Variants in NAP1L3 observed in about 807,000 individuals in gnomAD.
NAP1L3 encodes the protein nucleosome assembly protein 1 like 3.
For missense variants in NAP1L3, 378 were observed against 369.9 expected (o/e 1.02, Z -0.18); for synonymous variants, 127 against 131.9 (o/e 0.96, Z 0.25).
chrX:93,672,961 T>C lies in NAP1L3; in HGVS notation c.344A>G (p.Gln115Arg). The change falls in exon 1 of 1, where the codon CAA (glutamine) becomes CGA (arginine). Residue 115 changes from glutamine (Q) to arginine (R), a missense_variant. Physicochemically the swap from Gln to Arg is conservative, Grantham distance 43 (BLOSUM62 1). Coordinates refer to ENST00000373079, the MANE Select transcript of NAP1L3 (RefSeq NM_004538.6). ...RNRVQALRNI[Q>R]DECDKVDTLF... is the part of the protein sequence containing the mutation. ...GGTATCTACCTTGTCACATTCATCTTGAATGTTTCTAAGCGCTTGCACACG... is the reference window on the plus strand; with the variant it reads ...GGTATCTACCTTGTCACATTCATCTCGAATGTTTCTAAGCGCTTGCACACG... 2 of 1,212,071 alleles carry C rather than the reference T, an allele frequency of 1.7e-6. No individual in the cohort carries two copies. The highest frequency in any genetic ancestry group is 2.2e-6 in the Non-Finnish European group (2 of 895,627).
Position 93,673,095 on chromosome X carries a change from G to A in NAP1L3, c.210C>T (p.Ser70=), listed in dbSNP as rs1376514487. The A allele has an allele frequency of 1.7e-6, 2 of 1,206,835 alleles. No individual in the cohort carries two copies. Among genetic ancestry groups the A allele is most frequent in the Admixed American group, 2.2e-5 (1 of 45,564 alleles). The change falls in exon 1 of 1, where the codon AGC becomes AGT. Residue 70 remains serine, a synonymous_variant. Coordinates refer to ENST00000373079, the MANE Select transcript of NAP1L3 (RefSeq NM_004538.6). ...TCTTCTTTCTATACAAGCGGCTGCG[G>A]CTGCTAGTGCTGCCGCTGCTGCTGC... ...SSSSSSGSTS[S]RSRLYRKKRV... is the part of the protein sequence containing the mutation.
chrX:93,673,088 G>T lies in NAP1L3; in HGVS notation c.217C>A (p.Arg73Ser), dbSNP rs776311937. The change falls in exon 1 of 1, where the codon CGC (arginine) becomes AGC (serine). Residue 73 changes from arginine to serine, a missense_variant. Transcript: ENST00000373079. ...GGTACCCTCTTCTTTCTATACAAGCGGCTGCGGCTGCTAGTGCTGCCGCTG... is the reference window on the plus strand; with the variant it reads ...GGTACCCTCTTCTTTCTATACAAGCTGCTGCGGCTGCTAGTGCTGCCGCTG... Reference protein sequence around the residue: ...SSSGSTSSRSRLYRKKRVPEP... With the variant: ...SSSGSTSSRSSLYRKKRVPEP... 4 of 1,205,839 alleles carry T rather than the reference G, an allele frequency of 3.3e-6. No individual in the cohort carries two copies. In the Admixed American group the frequency reaches 8.8e-5, roughly 27 times the overall value.
In NAP1L3 at chrX:93,671,918, C is replaced by T. The variant is rs921801366; in HGVS notation, c.1387G>A (p.Asp463Asn). 3 of 1,208,787 alleles carry T rather than the reference C, an allele frequency of 2.5e-6. No homozygotes were observed. The highest frequency in any genetic ancestry group is 3.5e-5 in the African/African-American group (2 of 57,049). ...ATCTGCCCAATTTCAAAGTCCTCAT[C>T]CAGGATAGCATCTTCTCGTGGTTCC... ...KLEPREDAIL[D>N]EDFEIGQILH... Residue 463 changes from aspartate to asparagine, a missense_variant, in exon 1 of 1, where the codon GAT becomes AAT. Coordinates refer to ENST00000373079, the MANE Select transcript of NAP1L3 (RefSeq NM_004538.6).
In NAP1L3 at chrX:93,672,730, T is replaced by C; in HGVS notation, c.575A>G (p.Glu192Gly). Residue 192 changes from glutamate (E) to glycine (G), a missense_variant, in exon 1 of 1, where the codon GAA becomes GGA. Glu to Gly is a moderately conservative substitution (Grantham distance 98, BLOSUM62 -2). Coordinates refer to ENST00000373079, the MANE Select transcript of NAP1L3 (RefSeq NM_004538.6). ...TGGGTTTTCTTTAGGGTTTTCTTCT[T>C]CCTCACCCTCTAAGGGAGGCATTTC... The part of the protein sequence containing the change: ...PSEMPPLEGE[E>G]EENPKENPEV... 1 of 1,211,088 alleles carries C rather than the reference T, an allele frequency of 8.3e-7. No individual in the cohort carries two copies. The highest frequency in any genetic ancestry group is 1.7e-5 in the African/African-American group (1 of 57,632).
At position 93,672,392 on chromosome X, in the gene NAP1L3, T is replaced by C; in HGVS notation, c.913A>G (p.Arg305Gly). ...TCAGGAATGCCTTTAGGGTCTTCTC[T>C]TTTAGGCTTTCCCTTCCTAGCTCTT... is the stretch of plus-strand genomic sequence containing the variant. ...LKRARKGKPKREDPKGIPDYW... is the reference protein window; with the variant it reads ...LKRARKGKPKGEDPKGIPDYW... Residue 305 changes from arginine to glycine, a missense_variant, in exon 1 of 1, where the codon AGA (arginine) becomes GGA (glycine). By Grantham distance (125) the Arg-to-Gly change is moderately radical. Coordinates refer to ENST00000373079, the MANE Select transcript of NAP1L3 (RefSeq NM_004538.6). 8.3e-7 allele frequency: 1 copy of C among 1,211,238 alleles called. No homozygotes were observed. Among genetic ancestry groups the C allele is most frequent in the Non-Finnish European group, 1.1e-6 (1 of 895,277 alleles).
At position 93,672,454 on chromosome X, in the gene NAP1L3, A is replaced by G. The variant is rs1185287434; in HGVS notation, c.851T>C (p.Val284Ala). 5 of 1,209,046 alleles carry G rather than the reference A, an allele frequency of 4.1e-6. No individual in the cohort carries two copies. The highest frequency in any genetic ancestry group is 2.2e-5 in the Admixed American group (1 of 45,682). ...RAAVRETHKRVPEERLQDSVD... is the reference protein window; with the variant it reads ...RAAVRETHKRAPEERLQDSVD... ...ACTGTCCTGAAGCCTTTCCTCAGGA[A>G]CTCTTTTATGAGTCTCTCTTACTGC... The change falls in exon 1 of 1, where the codon GTT becomes GCT. Residue 284 changes from valine to alanine, a missense_variant. Physicochemically the swap from Val to Ala is moderately conservative, Grantham distance 64. Coordinates refer to ENST00000373079, the MANE Select transcript of NAP1L3 (RefSeq NM_004538.6).
Position 93,671,830 on chromosome X carries a change from T to C in NAP1L3, c.1475A>G (p.Tyr492Cys). The C allele has an allele frequency of 8.3e-7, 1 of 1,208,306 alleles. No homozygotes were observed. The highest frequency in any genetic ancestry group is 1.1e-6 in the Non-Finnish European group (1 of 893,676). ...TCCATAATGTTTGCCAAATTGATAGTAGGTACCATTGACTTCTCCAGTATA... is the reference window on the plus strand; with the variant it reads ...TCCATAATGTTTGCCAAATTGATAGCAGGTACCATTGACTTCTCCAGTATA... ...YYYTGEVNGT[Y>C]YQFGKHYGNK... Residue 492 changes from tyrosine to cysteine, a missense_variant, in exon 1 of 1, where the codon TAC (tyrosine) becomes TGC (cysteine). Transcript: ENST00000373079.
Position 93,672,431 on chromosome X carries a change from T to A in NAP1L3, c.874A>T (p.Ser292Cys). 8.3e-7 allele frequency: 1 copy of A among 1,211,712 alleles called. No homozygotes were observed. The change falls in exon 1 of 1, where the codon AGT becomes TGT. Residue 292 changes from serine to cysteine, a missense_variant. Physicochemically the swap from Ser to Cys is moderately radical, Grantham distance 112. Coordinates refer to ENST00000373079, the MANE Select transcript of NAP1L3 (RefSeq NM_004538.6). ...KRVPEERLQD[S>C]VDLKRARKGK... ...TTCCTAGCTCTTTTAAGATCTACAC[T>A]GTCCTGAAGCCTTTCCTCAGGAACT...
At position 93,672,899 on chromosome X, in the gene NAP1L3, A is replaced by G; in HGVS notation, c.406T>C (p.Tyr136His). ...LKAIHDLERKYAELNKPLYDR... is the reference protein window; with the variant it reads ...LKAIHDLERKHAELNKPLYDR... ...TACAGAGGCTTGTTGAGTTCAGCAT[A>G]TTTTCTTTCAAGATCATGAATTGCT... The change falls in exon 1 of 1, where the codon TAT becomes CAT. Residue 136 changes from tyrosine (Y) to histidine (H), a missense_variant. Physicochemically the swap from Tyr to His is moderately conservative, Grantham distance 83 (BLOSUM62 2). Coordinates refer to ENST00000373079, the MANE Select transcript of NAP1L3 (RefSeq NM_004538.6). The G allele has an allele frequency of 1.7e-6, 2 of 1,210,973 alleles. No individual in the cohort carries two copies. Among genetic ancestry groups the G allele is most frequent in the Non-Finnish European group, 2.2e-6 (2 of 895,326 alleles).
Position 93,672,981 on chromosome X carries a change from C to T in NAP1L3, c.324G>A (p.Val108=). The change falls in exon 1 of 1, where the codon GTG becomes GTA. Residue 108 remains valine (V), a synonymous_variant. Transcript: ENST00000373079. ...DRLPQAVRNR[V]QALRNIQDEC... ...CATCTTGAATGTTTCTAAGCGCTTGCACACGATTTCTAACTGCCTGAGGCA... is the reference window on the plus strand; with the variant it reads ...CATCTTGAATGTTTCTAAGCGCTTGTACACGATTTCTAACTGCCTGAGGCA... The T allele has an allele frequency of 2.5e-6, 3 of 1,211,848 alleles. No homozygotes were observed. Among genetic ancestry groups the T allele is most frequent in the South Asian group, 1.8e-5 (1 of 56,977 alleles).
chrX:93,672,158 G>A lies in NAP1L3; in HGVS notation c.1147C>T (p.Pro383Ser). ...GAAAAGAAGGGATCATTGTGATCTG[G>A]TTTTGCCTTTATTATATATGTCTTC... ...LVKTYIIKAK[P>S]DHNDPFFSWG... The change falls in exon 1 of 1, where the codon CCA (proline) becomes TCA (serine). Residue 383 changes from proline (P) to serine (S), a missense_variant. By Grantham distance (74) the Pro-to-Ser change is moderately conservative (BLOSUM62 -1). Transcript: ENST00000373079. The A allele has an allele frequency of 8.3e-7, 1 of 1,211,210 alleles. No homozygotes were observed. Among genetic ancestry groups the A allele is most frequent in the East Asian group, 3.0e-5 (1 of 33,808 alleles).
Position 93,672,154 on chromosome X carries a change from T to C in NAP1L3, c.1151A>G (p.Asp384Gly). Reference sequence around the variant, plus strand: ...CCAAGAAAAGAAGGGATCATTGTGATCTGGTTTTGCCTTTATTATATATGT... The same window carrying C: ...CCAAGAAAAGAAGGGATCATTGTGACCTGGTTTTGCCTTTATTATATATGT... ...VKTYIIKAKP[D>G]HNDPFFSWGW... The change falls in exon 1 of 1, where the codon GAT becomes GGT. Residue 384 changes from aspartate to glycine, a missense_variant. Physicochemically the swap from Asp to Gly is moderately conservative, Grantham distance 94. Coordinates refer to ENST00000373079, the MANE Select transcript of NAP1L3 (RefSeq NM_004538.6). 1 of 1,211,741 alleles carries C rather than the reference T, an allele frequency of 8.3e-7. No individual in the cohort carries two copies. Among genetic ancestry groups the C allele is most frequent in the Non-Finnish European group, 1.1e-6 (1 of 895,471 alleles).
At position 93,671,617 on chromosome X, in the gene NAP1L3, T is replaced by C. The variant is rs763860910; in HGVS notation, c.*167A>G. ...ATAGAATAAACTGGCACTTAGACAC[T>C]TTTTAGGACTATTTTTAAAATATAG... is the stretch of plus-strand genomic sequence containing the variant. On this transcript the variant is annotated 3_prime_UTR_variant, in exon 1 of 1. Coordinates refer to ENST00000373079, the MANE Select transcript of NAP1L3 (RefSeq NM_004538.6). The C allele has an allele frequency of 1.7e-5, 14 of 818,627 alleles. No individual in the cohort carries two copies. In the African/African-American group the frequency reaches 2.9e-4, roughly 17 times the overall value. 67.5% of individuals were successfully genotyped at this position (818,627 alleles called of 1,213,427 possible). A position where few individuals can be genotyped will look rare whatever the true frequency, so the allele number is the denominator to read the frequency against.
rs762944883 is a variant in NAP1L3, at chrX:93,671,557, C to T, written c.*227G>A. The T allele has an allele frequency of 3.5e-5, 14 of 396,173 alleles. No individual in the cohort carries two copies. The South Asian group carries it at 7.0e-4, about 20-fold the overall frequency. The allele number at this position is 396,173 out of a possible 1,213,427, so 32.6% of individuals were successfully genotyped here. On this transcript the variant is annotated 3_prime_UTR_variant, in exon 1 of 1. Coordinates refer to ENST00000373079, the MANE Select transcript of NAP1L3 (RefSeq NM_004538.6). ...GCTTTAGATAATTGACAACAGCTTA[C>T]ATATTTTGAAGAATATTATACTACA...
chrX:93,672,551 G>T lies in NAP1L3; in HGVS notation c.754C>A (p.Pro252Thr). The T allele has an allele frequency of 2.5e-6, 3 of 1,211,209 alleles. No individual in the cohort carries two copies. Among genetic ancestry groups the T allele is most frequent in the Non-Finnish European group, 2.2e-6 (2 of 895,429 alleles). The change falls in exon 1 of 1, where the codon CCT becomes ACT. Residue 252 changes from proline (P) to threonine (T), a missense_variant. Coordinates refer to ENST00000373079, the MANE Select transcript of NAP1L3 (RefSeq NM_004538.6). ...GCCTTTACCTGGGGGACTTCTTTAG[G>T]ATCTTCTTTTACTTCAGGGGTTGCC... ...MEATPEVKED[P>T]KEVPQVKADD...
Position 93,672,950 on chromosome X carries a change from C to T in NAP1L3, c.355G>A (p.Asp119Asn). 1 of 1,211,748 alleles carries T rather than the reference C, an allele frequency of 8.3e-7. No individual in the cohort carries two copies. The change falls in exon 1 of 1, where the codon GAC (aspartate) becomes AAC (asparagine). Residue 119 changes from aspartate to asparagine, a missense_variant. Coordinates refer to ENST00000373079, the MANE Select transcript of NAP1L3 (RefSeq NM_004538.6). ...TTTAAGAACAGGGTATCTACCTTGTCACATTCATCTTGAATGTTTCTAAGC... is the reference window on the plus strand; with the variant it reads ...TTTAAGAACAGGGTATCTACCTTGTTACATTCATCTTGAATGTTTCTAAGC... Reference protein sequence around the residue: ...QALRNIQDECDKVDTLFLKAI... With the variant: ...QALRNIQDECNKVDTLFLKAI...
rs1273726142 is a variant in NAP1L3 at position 93,673,045 on chromosome X, G to T, written c.260C>A (p.Ala87Glu). 9.9e-6 allele frequency: 12 copies of T among 1,209,642 alleles called. No homozygotes were observed. The highest frequency in any genetic ancestry group is 1.8e-5 in the African/African-American group (1 of 57,077). Residue 87 changes from alanine to glutamate, a missense_variant, in exon 1 of 1, where the codon GCG becomes GAG. Ala to Glu is a moderately radical substitution (Grantham distance 107). Coordinates refer to ENST00000373079, the MANE Select transcript of NAP1L3 (RefSeq NM_004538.6). ...KKRVPEPSRR[A>E]RRAPLGTNFV... is the part of the protein sequence containing the mutation. ...ATTTGTTCCCAACGGGGCCCGCCGC[G>T]CCCTTCTGGAAGGCTCAGGTACCCT...
Position 93,672,760 on chromosome X carries a change from G to C in NAP1L3, c.545C>G (p.Pro182Arg). 5.8e-6 allele frequency: 7 copies of C among 1,210,846 alleles called. No individual in the cohort carries two copies. The highest frequency in any genetic ancestry group is 7.8e-6 in the Non-Finnish European group (7 of 895,258). The change falls in exon 1 of 1, where the codon CCT (proline) becomes CGT (arginine). Residue 182 changes from proline to arginine, a missense_variant. Physicochemically the swap from Pro to Arg is moderately radical, Grantham distance 103. Transcript: ENST00000373079. ...SSDEEVQDNTPSEMPPLEGEE... is the reference protein window; with the variant it reads ...SSDEEVQDNTRSEMPPLEGEE... ...ACCCTCTAAGGGAGGCATTTCACTA[G>C]GGGTGTTATCCTGCACCTCCTCATC...
rs1228322064 is a variant in NAP1L3 at position 93,671,895 on chromosome X, C to A, written c.1410G>T (p.Gln470His). 6.6e-6 allele frequency: 8 copies of A among 1,208,947 alleles called. No individual in the cohort carries two copies. In the Admixed American group the frequency reaches 1.8e-4, roughly 26 times the overall value. The change falls in exon 1 of 1, where the codon CAG (glutamine) becomes CAT (histidine). Residue 470 changes from glutamine to histidine, a missense_variant. By Grantham distance (24) the Gln-to-His change is conservative. Transcript: ENST00000373079. ...AILDEDFEIG[Q>H]ILHDNVILKS... ...TCAGGATGACATTATCATGTAAAATCTGCCCAATTTCAAAGTCCTCATCCA... is the reference window on the plus strand; with the variant it reads ...TCAGGATGACATTATCATGTAAAATATGCCCAATTTCAAAGTCCTCATCCA...
Sources: allele counts gnomAD v4.1 joint callset, GRCh38; gene constraint gnomAD v4.1.1; transcripts MANE v1.5; gene names NCBI Gene and HGNC (gene_info 2026-07-23, HGNC 2026-07-21).